MOB1A: variants seen among roughly 807,000 people sequenced by gnomAD.
The protein encoded by MOB1A is MOB kinase activator 1A.
In MOB1A, 10 loss-of-function variants were observed where a neutral mutation model predicts 25.1. That is an observed-to-expected ratio of 0.40 (90% CI 0.25 to 0.68). The LOEUF is 0.68. MOB1A is among the 30% of genes least tolerant of loss of function. The pLI is 0.40. For synonymous variants in MOB1A, 81 were observed against 79.5 expected, an observed-to-expected ratio of 1.02 and a Z score of -0.10; for missense variants, 177 against 256.3, an observed-to-expected ratio of 0.69 and a Z score of 2.11.
chr2:74,176,367 C>T (rs1020031269), intron 1 of MOB1A, among the ~76,000 whole-genome samples: 3 of 136,034 alleles, frequency 2.2e-5, no homozygotes, highest in African/African-American at 8.3e-5. Flanking sequence ...ATAAAAAAAA[C>T]TATATTGAAC....
At chr2:74,166,325 TAA>T (rs747443795) in intron 3 of MOB1A, among the ~76,000 whole-genome samples, 1 of 152,058 alleles carries the variant, frequency 6.6e-6, no homozygotes, top group Non-Finnish European at 1.5e-5. Flanking sequence ...AATCAAATAT[TAA>T]AAGATCAACT....
Position 74,158,174 on chromosome 2 carries a change from T to C in MOB1A, c.573+917A>G, listed in dbSNP as rs1692854079. On this transcript the variant is annotated intron_variant, in intron 5 of 5. Transcript: ENST00000396049. Reference sequence around the variant, plus strand: ...CAGTCTGGGCGACAGAGCAAGACTCTGTCTCCAAAAAAAAAAAAAAGAGGG... The same window carrying C: ...CAGTCTGGGCGACAGAGCAAGACTCCGTCTCCAAAAAAAAAAAAAAGAGGG... Among the ~76,000 whole-genome samples the C allele has an allele frequency of 2.5e-5, 3 of 120,936 alleles. No individual in the cohort carries two copies. The Admixed American group carries it at 2.7e-4, about 11-fold the overall frequency. The allele number at this position is 120,936 out of a possible 152,430, so 79.3% of individuals were successfully genotyped here.
intron 3 of MOB1A, among the ~76,000 whole-genome samples, chr2:74,166,688 T>C (rs1010771557): frequency 4.6e-5 from 7 of 151,950 alleles, no homozygotes; most frequent in African/African-American, 1.7e-4. Context: ...ATGCACAAAT[T>C]AGCTGGGAGT....
rs35382378 is a variant in MOB1A, at chr2:74,173,376, G to GTTTTTTTTTT, written c.15-634_15-625dup. On this transcript the variant is annotated intron_variant, in intron 1 of 5. Coordinates refer to ENST00000396049, the MANE Select transcript of MOB1A (RefSeq NM_018221.5). The stretch of plus-strand genomic sequence containing the variant: ...GAACCTTCTTTTGGCCTCAATTTCG[G>GTTTTTTTTTT]TTTTTTTTTTTTTTTTTTTTTTGAG... Among the ~76,000 whole-genome samples, 5 of 93,330 alleles carry GTTTTTTTTTT rather than the reference G, an allele frequency of 5.4e-5. 1 individual carries two copies. Among genetic ancestry groups the GTTTTTTTTTT allele is most frequent in the Non-Finnish European group, 4.1e-5 (2 of 48,580 alleles). The allele number at this position is 93,330 out of a possible 152,430, so 61.2% of individuals were successfully genotyped here. A position where few individuals can be genotyped will look rare whatever the true frequency, so the allele number is the denominator to read the frequency against.
At chr2:74,172,108 T>G (rs879814098) in intron 2 of MOB1A, among the ~76,000 whole-genome samples, 1 of 152,174 alleles carries the variant, frequency 6.6e-6, no homozygotes, top group Non-Finnish European at 1.5e-5. Context: ...AAAGTGACTT[T>G]CAGCTCAGAT....
intron 1 of MOB1A, among the ~76,000 whole-genome samples, chr2:74,175,896 G>C (rs147141395): frequency 9.0e-4 from 137 of 152,178 alleles, no homozygotes; most frequent in African/African-American, 3.2e-3. Flanking sequence ...GAATGGAATA[G>C]AACTATGGAC....
At chr2:74,167,140 T>G (rs1282686623) in intron 2 of MOB1A, 33 bp from the exon 3 acceptor site, 2 of 1,562,864 alleles carry the variant, frequency 1.3e-6, no homozygotes, top group Middle Eastern at 1.7e-4. Flanking sequence ...TCAAAATGTC[T>G]GTGTAAACAC....
chr2:74,169,480 C>T (rs1012593551), intron 2 of MOB1A, among the ~76,000 whole-genome samples: 1 of 152,104 alleles, frequency 6.6e-6, no homozygotes, highest in Non-Finnish European at 1.5e-5. Flanking sequence ...GCCTGGGCGA[C>T]AGGGCGATAC....
chr2:74,159,824 C>A lies in MOB1A; in HGVS notation c.410-570G>T, dbSNP rs931033646. 2.4e-4 allele frequency among the ~76,000 whole-genome samples: 25 copies of A among 105,448 alleles called. 1 individual carries two copies. Among genetic ancestry groups the A allele is most frequent in the African/African-American group, 7.3e-4 (20 of 27,558 alleles). The allele number at this position is 105,448 out of a possible 152,430, so 69.2% of individuals were successfully genotyped here. ...TTTAGTTTTTTGTTTTTTGTCCCCC[C>A]CCCCACCCCGGAGACTGAGCCTCAC... On this transcript the variant is annotated intron_variant, in intron 4 of 5. Transcript: ENST00000396049.
intron 5 of MOB1A, 92 bp downstream of exon 5, chr2:74,158,999 A>G (rs951242998): frequency 7.8e-6 from 10 of 1,281,578 alleles, no homozygotes; most frequent in Non-Finnish European, 9.9e-6. Context: ...TTGGCTCTAC[A>G]TCTATAACTA....
intron 1 of MOB1A, among the ~76,000 whole-genome samples, chr2:74,174,784 T>C (rs1693402903): frequency 6.6e-6 from 1 of 152,152 alleles, no homozygotes; most frequent in African/African-American, 2.4e-5. Context: ...AACTGGATAA[T>C]AGAGGGCTTC....
chr2:74,168,562 G>A (rs576316173), intron 2 of MOB1A, among the ~76,000 whole-genome samples: 31 of 152,096 alleles, frequency 2.0e-4, no homozygotes, highest in African/African-American at 7.5e-4. Flanking sequence ...AGGATCCCTT[G>A]AGACTAGGAG....
chr2:74,168,944 A>G (rs9677593), intron 2 of MOB1A, among the ~76,000 whole-genome samples: 3,841 of 152,290 alleles, frequency 0.025, 152 homozygotes, highest in African/African-American at 0.088. Flanking sequence ...GTAAGGTCAA[A>G]CCATTTTAAT....
At chr2:74,156,828 T>C (rs1692820156) in intron 5 of MOB1A, among the ~76,000 whole-genome samples, 183 bp from the exon 6 acceptor site, 1 of 151,886 alleles carries the variant, frequency 6.6e-6, no homozygotes, top group Non-Finnish European at 1.5e-5. Context: ...TTTGTACAGA[T>C]GTGGTCTATG....
chr2:74,168,044 C>T (rs1263353357), intron 2 of MOB1A, among the ~76,000 whole-genome samples: 1 of 152,042 alleles, frequency 6.6e-6, no homozygotes, highest in African/African-American at 2.4e-5. Flanking sequence ...GAGGCTGAGG[C>T]GAGAGGACTG....
intron 4 of MOB1A, among the ~76,000 whole-genome samples, chr2:74,160,215 G>T (rs1401521471): frequency 6.6e-6 from 1 of 152,178 alleles, no homozygotes; most frequent in African/African-American, 2.4e-5. Flanking sequence ...CCGTGTGGTG[G>T]CTCGTGCCTG....
At chr2:74,176,844 G>A (rs1369575514) in intron 1 of MOB1A, among the ~76,000 whole-genome samples, 1 of 151,950 alleles carries the variant, frequency 6.6e-6, no homozygotes, top group African/African-American at 2.4e-5. Flanking sequence ...TTATGGGAAT[G>A]TAAAATGGTG....
chr2:74,173,212 CCT>C, intron 1 of MOB1A: 1 of 517,872 alleles, frequency 1.9e-6, no homozygotes, highest in Non-Finnish European at 3.9e-6. Flanking sequence ...CTTTTTTTCC[CCT>C]GCCTGTAAAA....
rs1430840460 is a variant in MOB1A, at chr2:74,153,777, G to A, written c.*2791C>T. ...CAGAGATCAGACACTGAGAGGAGAT[G>A]GCTTCTGATTAGCAAGGGGGAAGGG... is the stretch of plus-strand genomic sequence containing the variant. On this transcript the variant is annotated 3_prime_UTR_variant, in exon 6 of 6. Transcript: ENST00000396049. 1 of 152,208 alleles carries A rather than the reference G, an allele frequency of 6.6e-6. No individual in the cohort carries two copies. Among genetic ancestry groups the A allele is most frequent in the Non-Finnish European group, 1.5e-5 (1 of 68,054 alleles). 9.4% of individuals were successfully genotyped at this position (152,208 alleles called of 1,614,324 possible).
Sources: gnomAD v4.1 joint callset for allele counts (sites outside exome capture counted in the v4.1 genomes callset) on GRCh38, gnomAD v4.1.1 for gene constraint, MANE v1.5 for transcripts, NCBI Gene and HGNC (gene_info 2026-07-23, HGNC 2026-07-21) for gene names.